Variants in LCLAT1 observed in about 807,000 individuals in gnomAD.
LCLAT1 encodes the protein lysocardiolipin acyltransferase 1, also known as 1-AGP acyltransferase 8.
LCLAT1 carries 11 observed loss-of-function variants against 30.7 expected under a neutral mutation model. That is an observed-to-expected ratio of 0.36 (90% CI 0.23 to 0.59). The LOEUF (loss-of-function observed/expected upper bound fraction) is 0.59. Ranked by LOEUF, LCLAT1 falls within the 20% of genes least tolerant of loss-of-function variation. The pLI, the probability that LCLAT1 is intolerant of heterozygous loss-of-function variation, is 0.77. For synonymous variants in LCLAT1, 155 were observed against 151.3 expected (o/e 1.02, Z -0.18); for missense variants, 402 against 458.6 (o/e 0.88, Z 1.13).
At chr2:30,476,966 A>G (rs151191267) in intron 1 of LCLAT1, among the ~76,000 whole-genome samples, 185 of 152,338 alleles carry the variant, frequency 1.2e-3, no homozygotes, top group African/African-American at 4.4e-3. Flanking sequence ...TAATTTGTAC[A>G]TAAGTTTTGC....
intron 5 of LCLAT1, among the ~76,000 whole-genome samples, chr2:30,590,044 C>G (rs571242564): frequency 1.3e-5 from 2 of 152,140 alleles, no homozygotes; most frequent in African/African-American, 4.8e-5. Flanking sequence ...TCAAGGACAT[C>G]TGTCTGCCTT....
chr2:30,592,884 T>C (rs190884246), intron 5 of LCLAT1, among the ~76,000 whole-genome samples: 2 of 152,232 alleles, frequency 1.3e-5, no homozygotes, highest in African/African-American at 4.8e-5. Context: ...CTCAGAATAA[T>C]TGGACTGTCA....
At chr2:30,601,819 T>G (rs576688434) in intron 5 of LCLAT1, among the ~76,000 whole-genome samples, 7 of 151,906 alleles carry the variant, frequency 4.6e-5, no homozygotes, top group South Asian at 2.1e-4. Flanking sequence ...ATGTCATATA[T>G]ATCTATAGAT....
At chr2:30,603,886 A>G (rs1667304699) in intron 5 of LCLAT1, among the ~76,000 whole-genome samples, 1 of 152,198 alleles carries the variant, frequency 6.6e-6, no homozygotes, top group African/African-American at 2.4e-5. Context: ...ATGGGGATAA[A>G]TTAGTGACAG....
intron 5 of LCLAT1, among the ~76,000 whole-genome samples, chr2:30,581,699 C>G (rs1431502513): frequency 6.6e-6 from 1 of 152,088 alleles, no homozygotes; most frequent in Non-Finnish European, 1.5e-5. Flanking sequence ...TATGTGGAAG[C>G]TTTAAAAGTT....
At chr2:30,491,404 A>G (rs1260988713) in intron 1 of LCLAT1, among the ~76,000 whole-genome samples, 3 of 152,228 alleles carry the variant, frequency 2.0e-5, no homozygotes, top group African/African-American at 4.8e-5. Flanking sequence ...ATGGAGGCAC[A>G]GTGAGGTTGT....
intron 4 of LCLAT1, among the ~76,000 whole-genome samples, chr2:30,566,561 G>A (rs1028471011): frequency 1.4e-4 from 22 of 152,062 alleles, no homozygotes; most frequent in African/African-American, 5.3e-4. Context: ...AGTCGTCTAT[G>A]GTTTTTGGAG....
intron 5 of LCLAT1, among the ~76,000 whole-genome samples, chr2:30,624,720 A>G (rs771925002): frequency 6.6e-6 from 1 of 152,190 alleles, no homozygotes; most frequent in African/African-American, 2.4e-5. Flanking sequence ...CAAGACAGAA[A>G]GTCAACAAAG....
intron 1 of LCLAT1, among the ~76,000 whole-genome samples, chr2:30,487,094 A>T (rs992285778): frequency 6.6e-6 from 1 of 152,220 alleles, no homozygotes; most frequent in Admixed American, 6.5e-5. Flanking sequence ...ACAAAGGCAG[A>T]AAAAAAGATG....
At chr2:30,501,698 C>A (rs1010633553) in intron 1 of LCLAT1, among the ~76,000 whole-genome samples, 1 of 151,932 alleles carries the variant, frequency 6.6e-6, no homozygotes, top group African/African-American at 2.4e-5. Flanking sequence ...ATAATTGATA[C>A]AATATGAAAC....
At chr2:30,516,107 C>G (rs889579695) in intron 1 of LCLAT1, among the ~76,000 whole-genome samples, 1 of 152,134 alleles carries the variant, frequency 6.6e-6, no homozygotes, top group African/African-American at 2.4e-5. Flanking sequence ...ACCCGTTAAG[C>G]TAAAAGCAGG....
intron 5 of LCLAT1, among the ~76,000 whole-genome samples, chr2:30,596,155 C>T (rs928184457): frequency 3.9e-5 from 6 of 151,936 alleles, no homozygotes; most frequent in Non-Finnish European, 7.4e-5. Flanking sequence ...GGGTATATAC[C>T]GAGTAGTGGG....
chr2:30,526,560 T>C (rs1474610989), intron 2 of LCLAT1, among the ~76,000 whole-genome samples: 3 of 152,212 alleles, frequency 2.0e-5, no homozygotes, highest in African/African-American at 7.2e-5. Context: ...GTCTAGTACC[T>C]TTTACTCTGT....
At chr2:30,457,004 G>A (rs1267865099) in intron 1 of LCLAT1, among the ~76,000 whole-genome samples, 1 of 152,198 alleles carries the variant, frequency 6.6e-6, no homozygotes, top group Non-Finnish European at 1.5e-5. Context: ...TTAGTTACTT[G>A]GAAGTGACAG....
chr2:30,617,961 C>A (rs1668073437), intron 5 of LCLAT1, among the ~76,000 whole-genome samples: 1 of 152,106 alleles, frequency 6.6e-6, no homozygotes, highest in Non-Finnish European at 1.5e-5. Context: ...TTCCTTAATA[C>A]TGTCTTATGA....
At chr2:30,616,838 CAA>C (rs886423744) in intron 5 of LCLAT1, among the ~76,000 whole-genome samples, 1 of 142,096 alleles carries the variant, frequency 7.0e-6, no homozygotes. Context: ...ATGCTAATAC[CAA>C]AAAAAAAAAA....
chr2:30,469,574 CT>C (rs199634493), intron 1 of LCLAT1, among the ~76,000 whole-genome samples: 305 of 103,804 alleles, frequency 2.9e-3, no homozygotes, highest in East Asian at 9.0e-3. Flanking sequence ...CAGGTCTCTT[CT>C]TTTTTTTTTT....
chr2:30,448,804 C>T (rs958996768), intron 1 of LCLAT1, among the ~76,000 whole-genome samples: 6 of 152,190 alleles, frequency 3.9e-5, no homozygotes, highest in African/African-American at 1.4e-4. Context: ...AACTCTGCCA[C>T]TTAAAAATAT....
At chr2:30,617,172 A>G (rs914340225) in intron 5 of LCLAT1, among the ~76,000 whole-genome samples, 7 of 152,146 alleles carry the variant, frequency 4.6e-5, no homozygotes, top group Non-Finnish European at 7.4e-5. Context: ...AAGGTTTTCT[A>G]TGTACCTCTG....
Sources: gnomAD v4.1 joint callset for allele counts (sites outside exome capture counted in the v4.1 genomes callset) on GRCh38, gnomAD v4.1.1 for gene constraint, MANE v1.5 for transcripts, NCBI Gene and HGNC (gene_info 2026-07-23, HGNC 2026-07-21) for gene names.